SLC9A9: variants seen among roughly 807,000 people sequenced by gnomAD.
SLC9A9 encodes sodium/hydrogen exchanger 9.
In SLC9A9, 62 loss-of-function variants were observed where a neutral mutation model predicts 77.8. The ratio of observed to expected loss-of-function variants is 0.80; its 90% confidence interval spans 0.65 to 0.98. The LOEUF (loss-of-function observed/expected upper bound fraction) is 0.98. SLC9A9 is among the 50% of genes least tolerant of loss of function. SLC9A9 has a pLI of 0.00. For missense variants in SLC9A9, 775 were observed against 774.9 expected, an observed-to-expected ratio of 1.00 and a Z score of 0.00; for synonymous variants, 320 against 283.5, an observed-to-expected ratio of 1.13 and a Z score of -1.29.
At chr3:143,768,998 T>C (rs2108838496) in intron 4 of SLC9A9, among the ~76,000 whole-genome samples, 1 of 152,326 alleles carries the variant, frequency 6.6e-6, no homozygotes, top group East Asian at 1.9e-4. Flanking sequence ...CATTTGCATT[T>C]GCTATCTTTG....
At chr3:143,700,514 T>C (rs949486866) in intron 4 of SLC9A9, among the ~76,000 whole-genome samples, 5 of 152,214 alleles carry the variant, frequency 3.3e-5, no homozygotes, top group Non-Finnish European at 7.4e-5. Context: ...TAAGGGAACA[T>C]TGGCAGTGGC....
At chr3:143,614,928 G>GTTCTTCAGAT (rs550153041) in intron 6 of SLC9A9, among the ~76,000 whole-genome samples, 2 of 152,218 alleles carry the variant, frequency 1.3e-5, no homozygotes, top group Non-Finnish European at 2.9e-5. Context: ...GTTCTTCAGA[G>GTTCTTCAGAT]TCCTTCAGAA....
intron 11 of SLC9A9, among the ~76,000 whole-genome samples, chr3:143,478,474 G>A (rs951316551): frequency 7.9e-5 from 12 of 152,330 alleles, no homozygotes; most frequent in South Asian, 2.1e-4. Flanking sequence ...AGGCTGGGAG[G>A]TGGGGCTAGG....
At chr3:143,477,746 G>A (rs1186274042) in intron 11 of SLC9A9, among the ~76,000 whole-genome samples, 1 of 152,122 alleles carries the variant, frequency 6.6e-6, no homozygotes, top group Non-Finnish European at 1.5e-5. Context: ...ATGTGTCTCT[G>A]TAGAATCACA....
intron 4 of SLC9A9, among the ~76,000 whole-genome samples, chr3:143,700,296 A>G (rs1291625708): frequency 6.6e-6 from 1 of 152,104 alleles, no homozygotes; most frequent in Admixed American, 6.5e-5. Flanking sequence ...CTCCTTCCTG[A>G]GAAAAGTAGA....
chr3:143,662,495 C>T (rs1268369), intron 5 of SLC9A9, among the ~76,000 whole-genome samples: 5,299 of 152,230 alleles, frequency 0.035, 116 homozygotes, highest in Middle Eastern at 0.088. Context: ...TGAAGCAGGG[C>T]GGGGCATCAC....
chr3:143,575,764 C>T (rs1284963277), intron 7 of SLC9A9, among the ~76,000 whole-genome samples: 1 of 152,166 alleles, frequency 6.6e-6, no homozygotes, highest in Non-Finnish European at 1.5e-5. Context: ...TTCTTTCAAT[C>T]TCCTCCAGAA....
At chr3:143,604,293 C>T (rs1047254266) in intron 6 of SLC9A9, among the ~76,000 whole-genome samples, 3 of 151,862 alleles carry the variant, frequency 2.0e-5, no homozygotes, top group Non-Finnish European at 2.9e-5. Context: ...TTGTTGATTC[C>T]CTGTTACATG....
At chr3:143,282,594 C>A (rs1375703698) in intron 14 of SLC9A9, among the ~76,000 whole-genome samples, 1 of 152,134 alleles carries the variant, frequency 6.6e-6, no homozygotes. Flanking sequence ...CTAGAGAAGC[C>A]TCTCAGAGCA....
intron 14 of SLC9A9, among the ~76,000 whole-genome samples, chr3:143,350,666 T>C (rs1405989461): frequency 6.6e-6 from 1 of 152,200 alleles, no homozygotes; most frequent in African/African-American, 2.4e-5. Context: ...CCTTTTTCCA[T>C]TTGAAATTTA....
chr3:143,690,268 C>T (rs1297543717), intron 5 of SLC9A9, among the ~76,000 whole-genome samples: 5 of 151,622 alleles, frequency 3.3e-5, no homozygotes, highest in Non-Finnish European at 7.4e-5. Flanking sequence ...AAAATAAAAA[C>T]GAAAATAAAA....
At position 143,742,213 on chromosome 3, in the gene SLC9A9, C is replaced by T. The variant is rs558528716; in HGVS notation, c.534-48906G>A. Among the ~76,000 whole-genome samples the T allele has an allele frequency of 3.7e-4, 57 of 152,216 alleles. No homozygotes were observed. The East Asian group carries it at 6.8e-3, about 18-fold the overall frequency. Reference sequence around the variant, plus strand: ...ACTGACTCAGCTCAAGAAGACAGTTCGAACTCCCTAGGATTTAATCTCTGA... The same window carrying T: ...ACTGACTCAGCTCAAGAAGACAGTTTGAACTCCCTAGGATTTAATCTCTGA... On this transcript the variant is annotated intron_variant, in intron 4 of 15. Transcript: ENST00000316549.
intron 14 of SLC9A9, among the ~76,000 whole-genome samples, chr3:143,331,271 G>A (rs1427324359): frequency 6.6e-6 from 1 of 152,184 alleles, no homozygotes; most frequent in Non-Finnish European, 1.5e-5. Flanking sequence ...GGGCTGCCTT[G>A]CCCACATGGG....
intron 6 of SLC9A9, among the ~76,000 whole-genome samples, chr3:143,634,385 C>T (rs371775262): frequency 3.0e-4 from 45 of 152,118 alleles, no homozygotes; most frequent in African/African-American, 1.1e-3. Flanking sequence ...TATCTTTGTT[C>T]TTTTCTACTT....
chr3:143,817,122 T>C (rs1317365996), intron 2 of SLC9A9, among the ~76,000 whole-genome samples: 1 of 149,220 alleles, frequency 6.7e-6, no homozygotes, highest in Non-Finnish European at 1.5e-5. Flanking sequence ...GTCTTTTTCA[T>C]GCAAAAGTTT....
At chr3:143,652,740 T>C (rs1163876423) in intron 5 of SLC9A9, among the ~76,000 whole-genome samples, 4 of 150,494 alleles carry the variant, frequency 2.7e-5, no homozygotes, top group Non-Finnish European at 5.9e-5. Flanking sequence ...CAGCAATTCC[T>C]TCCTCGTCCA....
intron 4 of SLC9A9, among the ~76,000 whole-genome samples, chr3:143,707,096 C>T (rs1934002459): frequency 6.6e-6 from 1 of 152,098 alleles, no homozygotes; most frequent in African/African-American, 2.4e-5. Flanking sequence ...GGACATTTGA[C>T]CATCCCAAAA....
At chr3:143,513,182 A>C (rs1031478711) in intron 9 of SLC9A9, among the ~76,000 whole-genome samples, 4 of 152,216 alleles carry the variant, frequency 2.6e-5, no homozygotes, top group Middle Eastern at 3.2e-3. Flanking sequence ...TTTTACCCAC[A>C]ATAGAACTTC....
chr3:143,329,221 G>GT (rs1209947302), intron 14 of SLC9A9, among the ~76,000 whole-genome samples: 1 of 152,176 alleles, frequency 6.6e-6, no homozygotes, highest in Non-Finnish European at 1.5e-5. Context: ...CTCTAGCAAT[G>GT]TTTTTTGTCC....
Sources: gnomAD v4.1 joint callset for allele counts (sites outside exome capture counted in the v4.1 genomes callset) on GRCh38, gnomAD v4.1.1 for gene constraint, MANE v1.5 for transcripts, NCBI Gene and HGNC (gene_info 2026-07-23, HGNC 2026-07-21) for gene names.